FEZF2: variants seen among roughly 807,000 people sequenced by gnomAD.
FEZF2 encodes fez family zinc finger protein 2.
FEZF2 carries 2 observed loss-of-function variants against 32.8 expected under a neutral mutation model. The ratio of observed to expected loss-of-function variants is 0.06; its 90% CI spans 0.02 to 0.19. The LOEUF (loss-of-function observed/expected upper bound fraction) is 0.19, where lower values mean the gene tolerates loss of function less well. Ranked by LOEUF, FEZF2 falls within the 10% of genes least tolerant of loss-of-function variation. FEZF2 has a pLI of 1.00. For synonymous variants in FEZF2, 322 were observed against 284.8 expected, an observed-to-expected ratio of 1.13 and a Z score of -1.32; for missense variants, 516 against 625.4, an observed-to-expected ratio of 0.83 and a Z score of 1.87.
At position 62,373,051 on chromosome 3, in the gene FEZF2, C is replaced by T. The variant is rs1423926063; in HGVS notation, c.-58-125G>A. The T allele has an allele frequency of 4.0e-6, 2 of 495,808 alleles. No individual in the cohort carries two copies. The highest frequency in any genetic ancestry group is 4.4e-5 in the Admixed American group (1 of 22,818). The allele number at this position is 495,808 out of a possible 1,614,324, so 30.7% of individuals were successfully genotyped here. ...AGTGCACCCAAGGGTACCAAATTACCGCCCATTAACCCGGCGCGCAAAGGA... is the reference window on the plus strand; with the variant it reads ...AGTGCACCCAAGGGTACCAAATTACTGCCCATTAACCCGGCGCGCAAAGGA... On this transcript the variant is annotated intron_variant, in intron 1 of 4. Transcript: ENST00000283268. This position sits in a 1 kb window ranked among gnomAD's most constrained non-coding sequence, Gnocchi z 5.5.
At position 62,373,350 on chromosome 3, in the gene FEZF2, A is replaced by C. The variant is rs1365561375; in HGVS notation, c.-130T>G. On this transcript the variant is annotated 5_prime_UTR_variant, in exon 1 of 5. Coordinates refer to ENST00000283268, the MANE Select transcript of FEZF2 (RefSeq NM_018008.4). The surrounding 1 kb of genome is among the most constrained non-coding windows in gnomAD (Gnocchi z 5.5). Reference sequence around the variant, plus strand: ...GTCTCTTCTGTCACATTTTGATGGCAAACATCTTCCCCTCCGCGTGAGATC... The same window carrying C: ...GTCTCTTCTGTCACATTTTGATGGCCAACATCTTCCCCTCCGCGTGAGATC... The C allele has an allele frequency of 1.3e-5, 2 of 157,126 alleles. No individual in the cohort carries two copies. The highest frequency in any genetic ancestry group is 1.4e-5 in the Non-Finnish European group (1 of 71,340). 9.7% of individuals were successfully genotyped at this position (157,126 alleles called of 1,614,324 possible). A position where few individuals can be genotyped will look rare whatever the true frequency, so the allele number is the denominator to read the frequency against.
In FEZF2 at chr3:62,370,871, T is replaced by A. The variant is rs1245764313; in HGVS notation, c.1120+346A>T. Among the ~76,000 whole-genome samples, 10 of 152,166 alleles carry A rather than the reference T, an allele frequency of 6.6e-5. No individual in the cohort carries two copies. The highest frequency in any genetic ancestry group is 1.2e-4 in the Non-Finnish European group (8 of 68,026). On this transcript the variant is annotated intron_variant, in intron 4 of 4. Transcript: ENST00000283268. This position sits in a 1 kb window ranked among gnomAD's most constrained non-coding sequence, Gnocchi z 4.2. Reference sequence around the variant, plus strand: ...TTGTTCCCGGGAGGGTTATTTTGCCTCCAATATTTTTCATTTGAAAGGGAA... The same window carrying A: ...TTGTTCCCGGGAGGGTTATTTTGCCACCAATATTTTTCATTTGAAAGGGAA...
In FEZF2 at chr3:62,372,158, G is replaced by A; in HGVS notation, c.711C>T (p.Arg237=). ...PHPAPYPHKE[R]LPAPLEQVLK... ...GTACCTGCTCCAGCGGCGCCGGCAA[G>A]CGCTCCTTATGGGGATAGGGAGCCG... The change falls in exon 2 of 5, where the codon CGC becomes CGT. Residue 237 remains arginine, a synonymous_variant. Transcript: ENST00000283268. The surrounding 1 kb of genome is among the most constrained non-coding windows in gnomAD (Gnocchi z 9.6). 3 of 1,589,120 alleles carry A rather than the reference G, an allele frequency of 1.9e-6. No individual in the cohort carries two copies. Among genetic ancestry groups the A allele is most frequent in the Non-Finnish European group, 2.6e-6 (3 of 1,167,032 alleles).
intron 2 of FEZF2, 97 bp downstream of exon 2, chr3:62,371,920 C>G: frequency 6.7e-7 from 1 of 1,494,334 alleles, no homozygotes; most frequent in South Asian, 1.3e-5. Context: ...TACTGGGGAG[C>G]TCCTCAGCTT....
Position 62,372,606 on chromosome 3 carries a change from A to C in FEZF2, c.263T>G (p.Leu88Arg), listed in dbSNP as rs1197300691. 1 of 1,523,816 alleles carries C rather than the reference A, an allele frequency of 6.6e-7. No individual in the cohort carries two copies. The highest frequency in any genetic ancestry group is 8.8e-7 in the Non-Finnish European group (1 of 1,130,736). The allele number at this position is 1,523,816 out of a possible 1,614,324, so 94.4% of individuals were successfully genotyped here. A position where few individuals can be genotyped will look rare whatever the true frequency, so the allele number is the denominator to read the frequency against. Residue 88 changes from leucine (L) to arginine (R), a missense_variant, in exon 2 of 5, where the codon CTG (leucine) becomes CGG (arginine). Around this residue, in one of 3 missense-constraint regions of FEZF2, gnomAD observed 408 missense variants for 382.2 expected, o/e 1.07. Coordinates refer to ENST00000283268, the MANE Select transcript of FEZF2 (RefSeq NM_018008.4). The surrounding 1 kb of genome is among the most constrained non-coding windows in gnomAD (Gnocchi z 9.6). Reference sequence around the variant, plus strand: ...TTTCCAGAGCTCCGAGTAACTGAGCAGTGTCTTTGACGGCACCTCGTAGCC... The same window carrying C: ...TTTCCAGAGCTCCGAGTAACTGAGCCGTGTCTTTGACGGCACCTCGTAGCC... Reference protein sequence around the residue: ...PLGYEVPSKTLLSYSELWKSS... With the variant: ...PLGYEVPSKTRLSYSELWKSS...
intron 3 of FEZF2, 79 bp from the exon 4 acceptor site, chr3:62,371,428 C>G: frequency 6.3e-7 from 1 of 1,583,324 alleles, no homozygotes. Flanking sequence ...CACCCCCACT[C>G]AACCCTAGAG....
Position 62,370,147 on chromosome 3 carries a change from A to G in FEZF2, c.1316T>C (p.Leu439Pro). Residue 439 changes from leucine (L) to proline (P), a missense_variant, in exon 5 of 5, where the codon CTC becomes CCC. Leu to Pro is a moderately conservative substitution (Grantham distance 98, BLOSUM62 -3). This residue lies in a region of FEZF2 where 79 missense variants were observed against 219.4 expected (regional missense o/e 0.36). Coordinates refer to ENST00000283268, the MANE Select transcript of FEZF2 (RefSeq NM_018008.4). This position sits in a 1 kb window ranked among gnomAD's most constrained non-coding sequence, Gnocchi z 4.2. ...NFDLKKHVRK[L>P]HDSVGPAAPS... ...GGCAGCAGGGCCCACGCTGTCGTGG[A>G]GTTTGCGCACATGTTTCTTTAAGTC... 1 of 1,614,206 alleles carries G rather than the reference A, an allele frequency of 6.2e-7. No individual in the cohort carries two copies. Among genetic ancestry groups the G allele is most frequent in the Non-Finnish European group, 8.5e-7 (1 of 1,180,032 alleles).
intron 2 of FEZF2, 70 bp downstream of exon 2, chr3:62,371,947 A>G: frequency 6.5e-7 from 1 of 1,546,400 alleles, no homozygotes; most frequent in East Asian, 2.3e-5. Context: ...GGGGCATTCC[A>G]GGCTGCCCCA....
At position 62,370,427 on chromosome 3, in the gene FEZF2, G is replaced by C; in HGVS notation, c.1121-85C>G. Reference sequence around the variant, plus strand: ...GGCGGGCGTCCCAGGGGCAGCCCAGGTGCCTGCTCAAAAAAGGCGACGCTT... The same window carrying C: ...GGCGGGCGTCCCAGGGGCAGCCCAGCTGCCTGCTCAAAAAAGGCGACGCTT... On this transcript the variant is annotated intron_variant, in intron 4 of 4. Transcript: ENST00000283268. The surrounding 1 kb of genome is among the most constrained non-coding windows in gnomAD (Gnocchi z 4.2). The C allele has an allele frequency of 6.8e-7, 1 of 1,461,632 alleles. No individual in the cohort carries two copies. Among genetic ancestry groups the C allele is most frequent in the Non-Finnish European group, 9.3e-7 (1 of 1,073,198 alleles). 90.5% of individuals were successfully genotyped at this position (1,461,632 alleles called of 1,614,324 possible). A position where few individuals can be genotyped will look rare whatever the true frequency, so the allele number is the denominator to read the frequency against.
Position 62,372,874 on chromosome 3 carries a change from G to A in FEZF2, c.-6C>T. ...AGGGAAGCCGAGCTTGCCATGGCGC[G>A]CGGAGCTGAGCCGAGCCAGGCTGGG... On this transcript the variant is annotated 5_prime_UTR_variant, in exon 2 of 5. Transcript: ENST00000283268. This position sits in a 1 kb window ranked among gnomAD's most constrained non-coding sequence, Gnocchi z 9.6. 5.7e-6 allele frequency: 8 copies of A among 1,403,456 alleles called. No homozygotes were observed. Among genetic ancestry groups the A allele is most frequent in the South Asian group, 3.1e-5 (2 of 64,168 alleles). 86.9% of individuals were successfully genotyped at this position (1,403,456 alleles called of 1,614,324 possible).
rs1704305237 is a variant in FEZF2, at chr3:62,373,433, G to A, written c.-213C>T. 6.6e-6 allele frequency: 1 copy of A among 152,578 alleles called. No individual in the cohort carries two copies. Among genetic ancestry groups the A allele is most frequent in the African/African-American group, 2.4e-5 (1 of 41,426 alleles). 9.5% of individuals were successfully genotyped at this position (152,578 alleles called of 1,614,324 possible). On this transcript the variant is annotated 5_prime_UTR_variant, in exon 1 of 5. Coordinates refer to ENST00000283268, the MANE Select transcript of FEZF2 (RefSeq NM_018008.4). The surrounding 1 kb of genome is among the most constrained non-coding windows in gnomAD (Gnocchi z 5.5). ...AGTCACTTGAAGTGGAATGACATGGGCGGCGGCGCGGCTCCCGTAGCGGCC... is the reference window on the plus strand; with the variant it reads ...AGTCACTTGAAGTGGAATGACATGGACGGCGGCGCGGCTCCCGTAGCGGCC...
At position 62,372,038 on chromosome 3, in the gene FEZF2, G is replaced by T; in HGVS notation, c.831C>A (p.Phe277Leu). The T allele has an allele frequency of 6.2e-7, 1 of 1,607,590 alleles. No individual in the cohort carries two copies. Among genetic ancestry groups the T allele is most frequent in the Non-Finnish European group, 8.5e-7 (1 of 1,179,472 alleles). The change falls in exon 2 of 5, where the codon TTC becomes TTA. Residue 277 changes from phenylalanine to leucine, a missense_variant. This residue lies in a region of FEZF2 where 408 missense variants were observed against 382.2 expected (regional missense o/e 1.07). Coordinates refer to ENST00000283268, the MANE Select transcript of FEZF2 (RefSeq NM_018008.4). This position sits in a 1 kb window ranked among gnomAD's most constrained non-coding sequence, Gnocchi z 9.6. ...GGSADGKPKN[F>L]TCEVCGKVFN... ...TCACCTTGCCGCACACCTCGCAGGT[G>T]AAGTTTTTGGGCTTGCCATCTGCGG...
In FEZF2 at chr3:62,371,106, G is replaced by T. The variant is rs1576275183; in HGVS notation, c.1120+111C>A. The stretch of plus-strand genomic sequence containing the variant: ...GATTCTAAAGAAATGCTGCGCCCGC[G>T]CCTGCAGATTTCGCCTTCTCTCTCC... On this transcript the variant is annotated intron_variant, in intron 4 of 4. Transcript: ENST00000283268. 6.0e-6 allele frequency: 9 copies of T among 1,496,816 alleles called. No individual in the cohort carries two copies. The East Asian group carries it at 1.8e-4, about 30-fold the overall frequency. The allele number at this position is 1,496,816 out of a possible 1,614,324, so 92.7% of individuals were successfully genotyped here.
Position 62,369,752 on chromosome 3 carries a change from A to G in FEZF2, c.*331T>C, listed in dbSNP as rs931753946. On this transcript the variant is annotated 3_prime_UTR_variant, in exon 5 of 5. Transcript: ENST00000283268. This position sits in a 1 kb window ranked among gnomAD's most constrained non-coding sequence, Gnocchi z 4.2. ...CAGGAGGATTTACATGGCTGTATAA[A>G]GATGGCTAGGGGCGCCGCGCTCTTC... 6.9e-6 allele frequency: 2 copies of G among 291,638 alleles called. No individual in the cohort carries two copies. The highest frequency in any genetic ancestry group is 1.3e-5 in the Non-Finnish European group (2 of 156,380). The allele number at this position is 291,638 out of a possible 1,614,324, so 18.1% of individuals were successfully genotyped here.
chr3:62,369,831 G>T lies in FEZF2; in HGVS notation c.*252C>A. The stretch of plus-strand genomic sequence containing the variant: ...TAAAACTGGCTGCCCCAGGAGAAGC[G>T]GAGGCCTGGAATTAAATACGTTTCG... On this transcript the variant is annotated 3_prime_UTR_variant, in exon 5 of 5. Transcript: ENST00000283268. This position sits in a 1 kb window ranked among gnomAD's most constrained non-coding sequence, Gnocchi z 4.2. The T allele has an allele frequency of 2.2e-6, 1 of 453,844 alleles. No individual in the cohort carries two copies. The highest frequency in any genetic ancestry group is 3.1e-5 in the South Asian group (1 of 31,870). The allele number at this position is 453,844 out of a possible 1,614,324, so 28.1% of individuals were successfully genotyped here.
rs755331647 is a variant in FEZF2 at position 62,371,279 on chromosome 3, C to A, written c.1058G>T (p.Arg353Leu). 1.2e-6 allele frequency: 2 copies of A among 1,614,214 alleles called. No homozygotes were observed. Among genetic ancestry groups the A allele is most frequent in the Non-Finnish European group, 1.7e-6 (2 of 1,180,034 alleles). ...GAAGGGCTTGTAGCCCGCGTGGATG[C>A]GGATATGCGTGTTGAGCGTGGAGCT... Reference protein sequence around the residue: ...NRSSTLNTHIRIHAGYKPFVC... With the variant: ...NRSSTLNTHILIHAGYKPFVC... Residue 353 changes from arginine to leucine, a missense_variant, in exon 4 of 5, where the codon CGC (arginine) becomes CTC (leucine). Physicochemically the swap from Arg to Leu is moderately radical, Grantham distance 102 (BLOSUM62 -2). This residue lies in a region of FEZF2 where 79 missense variants were observed against 219.4 expected (regional missense o/e 0.36). Transcript: ENST00000283268.
At chr3:62,371,871 AACTGAGGCCCAACGAG>A in intron 2 of FEZF2, 130 bp downstream of exon 2, 1 of 1,411,332 alleles carries the variant, frequency 7.1e-7, no homozygotes, top group Non-Finnish European at 9.3e-7. Flanking sequence ...CAGAATAGGA[AACTGAGGCCCAACGAG>A]GCTCCCAGTT....
At position 62,371,169 on chromosome 3, in the gene FEZF2, C is replaced by T. The variant is rs1704263416; in HGVS notation, c.1120+48G>A. 5.6e-6 allele frequency: 9 copies of T among 1,613,702 alleles called. No homozygotes were observed. The East Asian group carries it at 1.6e-4, about 28-fold the overall frequency. On this transcript the variant is annotated intron_variant, in intron 4 of 4. Transcript: ENST00000283268. ...GCCTTCCTGCCAGCCAGCCGCGACC[C>T]GAGTCCTGAGGTGAGGTGAGAAGAG...
intron 2 of FEZF2, 129 bp downstream of exon 2, chr3:62,371,888 G>C (rs949145636): frequency 2.8e-6 from 4 of 1,433,142 alleles, no homozygotes; most frequent in Non-Finnish European, 3.7e-6. Context: ...GCCCAACGAG[G>C]CTCCCAGTTT....
Sources: allele counts gnomAD v4.1 joint callset (sites outside exome capture counted in the v4.1 genomes callset), GRCh38; gene constraint gnomAD v4.1.1; regional missense constraint gnomAD v4.1.1; non-coding constraint Gnocchi (gnomAD v3.1); transcripts MANE v1.5; gene names NCBI Gene and HGNC (gene_info 2026-07-23, HGNC 2026-07-21).